Variants in WAC observed in about 807,000 individuals in gnomAD.
The protein encoded by WAC is WW domain-containing adapter protein with coiled-coil.
WAC carries 11 observed loss-of-function variants against 79.6 expected under a neutral mutation model. The ratio of observed to expected loss-of-function variants is 0.14; its 90% CI spans 0.09 to 0.23. The LOEUF (loss-of-function observed/expected upper bound fraction) is 0.23. WAC is among the 10% of genes least tolerant of loss of function. The probability of loss-of-function intolerance (pLI) is 1.00; values close to 1 mark genes in which losing one functional copy is unlikely to be tolerated. For missense variants in WAC, 728 were observed against 773.5 expected, an observed-to-expected ratio of 0.94 and a Z score of 0.70; for synonymous variants, 304 against 276.9, an observed-to-expected ratio of 1.10 and a Z score of -0.97.
chr10:28,611,149 T>C, intron 9 of WAC: 1 of 750,186 alleles, frequency 1.3e-6, no homozygotes, highest in Non-Finnish European at 1.9e-6. Context: ...CCATATATCT[T>C]TGTGAAACAT....
intron 3 of WAC, among the ~76,000 whole-genome samples, chr10:28,551,725 T>C (rs1283501746): frequency 6.6e-6 from 1 of 151,792 alleles, no homozygotes; most frequent in African/African-American, 2.4e-5. Context: ...TCAGAAACAG[T>C]TAATGTTTTG....
At chr10:28,533,873 G>T in intron 1 of WAC, 125 bp from the exon 2 acceptor site, 1 of 1,238,200 alleles carries the variant, frequency 8.1e-7, no homozygotes, top group Non-Finnish European at 1.1e-6. Flanking sequence ...GTGCGTGCGG[G>T]GCTCGGCGCT....
Position 28,598,339 on chromosome 10 carries a change from T to G in WAC, c.919+2298T>G, listed in dbSNP as rs74559764. On this transcript the variant is annotated intron_variant, in intron 7 of 13. Transcript: ENST00000354911. ...GCAAACTTGGACATTTGTTAGGACT[T>G]GCCATTATCTTTCCTGTCCTGAGCT... 4.6e-3 allele frequency among the ~76,000 whole-genome samples: 696 copies of G among 151,926 alleles called. 3 individuals carry two copies. Among genetic ancestry groups the G allele is most frequent in the African/African-American group, 0.016 (675 of 41,156 alleles).
intron 7 of WAC, among the ~76,000 whole-genome samples, chr10:28,600,037 C>G (rs979252969): frequency 6.6e-6 from 1 of 152,102 alleles, no homozygotes; most frequent in African/African-American, 2.4e-5. Flanking sequence ...AACGTGGGTC[C>G]TTATTGTTTG....
Position 28,560,397 on chromosome 10 carries a change from C to T in WAC, c.275-23002C>T, listed in dbSNP as rs187595817. ...GTGTGTGGGGGGCACGATTTTAAGC[C>T]GAAGCAGGCATTAGCTGGAATTGCT... On this transcript the variant is annotated intron_variant, in intron 3 of 13. Transcript: ENST00000354911. Among the ~76,000 whole-genome samples, 95 of 151,978 alleles carry T rather than the reference C, an allele frequency of 6.3e-4. No homozygotes were observed. The East Asian group carries it at 8.9e-3, about 14-fold the overall frequency.
intron 3 of WAC, among the ~76,000 whole-genome samples, chr10:28,580,914 C>T (rs1439060519): frequency 6.6e-6 from 1 of 152,130 alleles, no homozygotes; most frequent in African/African-American, 2.4e-5. Flanking sequence ...ATGACTGTGA[C>T]TTACTACAGT....
intron 7 of WAC, among the ~76,000 whole-genome samples, chr10:28,598,762 G>A (rs1443987512): frequency 5.9e-5 from 9 of 152,156 alleles, no homozygotes; most frequent in Admixed American, 5.2e-4. Context: ...CAGTTCGGAC[G>A]CTCGTAATGT....
At chr10:28,613,263 C>T (rs948960451) in intron 10 of WAC, among the ~76,000 whole-genome samples, 11 of 152,120 alleles carry the variant, frequency 7.2e-5, no homozygotes, top group Non-Finnish European at 1.0e-4. Flanking sequence ...GCTACTCGGG[C>T]GGCTGAGGCA....
rs79679605 is a variant in WAC, at chr10:28,546,721, C to T, written c.274+10964C>T. Among the ~76,000 whole-genome samples, 1,019 of 152,220 alleles carry T rather than the reference C, an allele frequency of 6.7e-3. 11 individuals carry two copies. The highest frequency in any genetic ancestry group is 0.024 in the African/African-American group (987 of 41,528). Reference sequence around the variant, plus strand: ...TTGGAAAAACAGAATGAACTCTCCCCTTTGAGTTTGACCAATTTTATTTAT... The same window carrying T: ...TTGGAAAAACAGAATGAACTCTCCCTTTTGAGTTTGACCAATTTTATTTAT... On this transcript the variant is annotated intron_variant, in intron 3 of 13. Coordinates refer to ENST00000354911, the MANE Select transcript of WAC (RefSeq NM_016628.5).
intron 7 of WAC, among the ~76,000 whole-genome samples, chr10:28,603,195 C>G (rs1337897007): frequency 6.6e-6 from 1 of 152,182 alleles, no homozygotes; most frequent in Non-Finnish European, 1.5e-5. Flanking sequence ...GAAGAATTGT[C>G]TTGGTCCACA....
chr10:28,610,856 C>T lies in WAC; in HGVS notation c.1288+35C>T, dbSNP rs374136210. 2.8e-4 allele frequency: 435 copies of T among 1,528,212 alleles called. 1 individual carries two copies. In the East Asian group the frequency reaches 3.5e-3, roughly 12 times the overall value. 94.7% of individuals were successfully genotyped at this position (1,528,212 alleles called of 1,614,324 possible). A position where few individuals can be genotyped will look rare whatever the true frequency, so the allele number is the denominator to read the frequency against. On this transcript the variant is annotated intron_variant, in intron 9 of 13. Coordinates refer to ENST00000354911, the MANE Select transcript of WAC (RefSeq NM_016628.5). ...CTCATCTTAGATATCTCTAGAATGG[C>T]ATCTTGATTTTGTTTTGGAATTAAT...
At position 28,620,567 on chromosome 10, in the gene WAC, T is replaced by G. The variant is rs1841653227; in HGVS notation, c.*961T>G. 1.3e-5 allele frequency: 2 copies of G among 152,646 alleles called. No individual in the cohort carries two copies. The highest frequency in any genetic ancestry group is 2.4e-5 in the African/African-American group (1 of 41,458). 9.5% of individuals were successfully genotyped at this position (152,646 alleles called of 1,614,324 possible). ...AATTGTTATTTTTCTTTTCCTTCGG[T>G]CAGTGCACATTAGCATTTGAACTAC... On this transcript the variant is annotated 3_prime_UTR_variant, in exon 14 of 14. Coordinates refer to ENST00000354911, the MANE Select transcript of WAC (RefSeq NM_016628.5).
At chr10:28,597,091 T>C (rs1331416765) in intron 7 of WAC, among the ~76,000 whole-genome samples, 1 of 152,162 alleles carries the variant, frequency 6.6e-6, no homozygotes, top group Non-Finnish European at 1.5e-5. Flanking sequence ...ATATGTATTA[T>C]ACATGTTATT....
intron 3 of WAC, among the ~76,000 whole-genome samples, chr10:28,536,930 A>G (rs912114162): frequency 1.3e-5 from 2 of 152,110 alleles, no homozygotes; most frequent in African/African-American, 4.8e-5. Context: ...TTTTGCCCCT[A>G]TTGGCAGCTA....
intron 1 of WAC, 63 bp downstream of exon 1, chr10:28,533,683 T>A: frequency 1.3e-6 from 2 of 1,486,144 alleles, no homozygotes; most frequent in South Asian, 2.4e-5. Flanking sequence ...GGGCTGTTCC[T>A]CCTTATCTGG....
chr10:28,611,722 TTTTTG>T lies in WAC; in HGVS notation c.1289-37_1289-33del, dbSNP rs1392921746. On this transcript the variant is annotated intron_variant, in intron 9 of 13. Transcript: ENST00000354911. ...CACATATATTACAAAGGACTTTAGT[TTTTTG>T]TTTTGTTTTGTTTTTCTTTAAAATT... The T allele has an allele frequency of 4.5e-5, 71 of 1,593,190 alleles. No individual in the cohort carries two copies. In the East Asian group the frequency reaches 6.3e-4, roughly 14 times the overall value.
At chr10:28,616,110 T>C in intron 11 of WAC, 63 bp from the exon 12 acceptor site, 1 of 1,345,652 alleles carries the variant, frequency 7.4e-7, no homozygotes, top group Non-Finnish European at 1.0e-6. Flanking sequence ...ACATGCAGTT[T>C]CTAGGATAAG....
chr10:28,578,848 C>T (rs781642496), intron 3 of WAC, among the ~76,000 whole-genome samples: 1 of 152,096 alleles, frequency 6.6e-6, no homozygotes, highest in Non-Finnish European at 1.5e-5. Context: ...TTCTCTTGTA[C>T]CGACCCTTGG....
intron 7 of WAC, among the ~76,000 whole-genome samples, chr10:28,599,139 ACT>A (rs1022713449): frequency 2.0e-5 from 3 of 152,022 alleles, no homozygotes; most frequent in Admixed American, 2.0e-4. Context: ...CTTTCTATTG[ACT>A]CTTCTCATCA....
Sources: allele counts gnomAD v4.1 joint callset (sites outside exome capture counted in the v4.1 genomes callset), GRCh38; gene constraint gnomAD v4.1.1; transcripts MANE v1.5; gene names NCBI Gene and HGNC (gene_info 2026-07-23, HGNC 2026-07-21).